CADM1: variants seen among roughly 807,000 people sequenced by gnomAD.
CADM1 encodes TSLC-1.
CADM1 carries 15 observed loss-of-function variants against 53.1 expected under a neutral mutation model. That is an observed-to-expected ratio of 0.28 (90% CI 0.19 to 0.44). The LOEUF is 0.44. Among genes scored for constraint, CADM1 ranks in the 20% least tolerant of loss-of-function variants. The pLI is 1.00. For synonymous variants in CADM1, 281 were observed against 243.0 expected (o/e 1.16, Z -1.45); for missense variants, 434 against 611.3 (o/e 0.71, Z 3.06).
At chr11:115,417,249 C>T (rs1947620046) in intron 1 of CADM1, among the ~76,000 whole-genome samples, 1 of 152,156 alleles carries the variant, frequency 6.6e-6, no homozygotes, top group Admixed American at 6.6e-5. Context: ...CAAATCAAAA[C>T]ATTTTTAATT....
chr11:115,411,544 G>T (rs1947459879), intron 1 of CADM1, among the ~76,000 whole-genome samples: 1 of 152,186 alleles, frequency 6.6e-6, no homozygotes, highest in South Asian at 2.1e-4. Context: ...AACAGCAAAA[G>T]AAGGCCTACC....
chr11:115,217,626 T>C (rs1002021436), intron 6 of CADM1, among the ~76,000 whole-genome samples: 2 of 152,158 alleles, frequency 1.3e-5, no homozygotes, highest in Non-Finnish European at 2.9e-5. Flanking sequence ...TGAGAGAAAA[T>C]AGTCCTGACA....
At chr11:115,367,523 A>G (rs1946195551) in intron 1 of CADM1, among the ~76,000 whole-genome samples, 1 of 152,214 alleles carries the variant, frequency 6.6e-6, no homozygotes, top group African/African-American at 2.4e-5. Flanking sequence ...CATATTATAG[A>G]AAATGAAACA....
intron 1 of CADM1, among the ~76,000 whole-genome samples, chr11:115,498,157 C>T (rs1395469909): frequency 6.6e-6 from 1 of 152,130 alleles, no homozygotes; most frequent in Non-Finnish European, 1.5e-5. Context: ...CCTTTTCTCT[C>T]CCCACCATCC....
intron 9 of CADM1, among the ~76,000 whole-genome samples, chr11:115,192,005 T>C (rs73570099): frequency 0.012 from 1,818 of 152,336 alleles, 41 homozygotes; most frequent in African/African-American, 0.04. Flanking sequence ...CCACAAAGTG[T>C]ATTCTCAGTG....
At chr11:115,323,097 G>A (rs1944865639) in intron 1 of CADM1, among the ~76,000 whole-genome samples, 2 of 152,064 alleles carry the variant, frequency 1.3e-5, no homozygotes, top group African/African-American at 2.4e-5. Context: ...GTCAACACCT[G>A]TTATTGTCTT....
At chr11:115,267,717 G>T (rs1943184062) in intron 1 of CADM1, among the ~76,000 whole-genome samples, 1 of 142,870 alleles carries the variant, frequency 7.0e-6, no homozygotes, top group Non-Finnish European at 1.5e-5. Context: ...GCTTTCTTCG[G>T]CAAAAGTCTC....
chr11:115,314,617 A>G (rs2135171371), intron 1 of CADM1, among the ~76,000 whole-genome samples: 1 of 152,306 alleles, frequency 6.6e-6, no homozygotes, highest in Non-Finnish European at 1.5e-5. Flanking sequence ...TTTCCAAGGT[A>G]CTATGCTGGA....
chr11:115,285,931 C>T (rs1340074948), intron 1 of CADM1, among the ~76,000 whole-genome samples: 1 of 152,028 alleles, frequency 6.6e-6, no homozygotes, highest in Non-Finnish European at 1.5e-5. Flanking sequence ...TTTTCTGAGC[C>T]TCAATATTTT....
At chr11:115,196,523 C>A (rs1940154359) in intron 9 of CADM1, among the ~76,000 whole-genome samples, 1 of 146,914 alleles carries the variant, frequency 6.8e-6, no homozygotes, top group Admixed American at 7.0e-5. Context: ...CTTTTAGCTT[C>A]CCTGGACCAC....
At chr11:115,290,810 A>T (rs924580315) in intron 1 of CADM1, among the ~76,000 whole-genome samples, 2 of 152,238 alleles carry the variant, frequency 1.3e-5, no homozygotes. Flanking sequence ...AACTTGTTTA[A>T]ATCCAAAGGC....
At chr11:115,279,791 C>T (rs1044178366) in intron 1 of CADM1, among the ~76,000 whole-genome samples, 7 of 152,064 alleles carry the variant, frequency 4.6e-5, no homozygotes, top group Admixed American at 2.0e-4. Flanking sequence ...ATATATTAAG[C>T]GCAGATCTTG....
intron 1 of CADM1, among the ~76,000 whole-genome samples, chr11:115,435,749 A>G (rs1296907614): frequency 6.6e-6 from 1 of 151,944 alleles, no homozygotes; most frequent in Non-Finnish European, 1.5e-5. Context: ...AATAAAATAA[A>G]ATAAGTTGTA....
chr11:115,327,076 A>G (rs914689062), intron 1 of CADM1, among the ~76,000 whole-genome samples: 1 of 152,142 alleles, frequency 6.6e-6, no homozygotes, highest in Non-Finnish European at 1.5e-5. Flanking sequence ...AAACATACAT[A>G]CTATTTTTAT....
intron 1 of CADM1, among the ~76,000 whole-genome samples, chr11:115,258,253 G>A (rs1001627715): frequency 1.3e-5 from 2 of 151,946 alleles, no homozygotes; most frequent in African/African-American, 4.8e-5. Flanking sequence ...TACTAGTACC[G>A]TATCAGCTCA....
intron 1 of CADM1, among the ~76,000 whole-genome samples, chr11:115,332,318 CTAAT>C (rs1319403904): frequency 6.6e-6 from 1 of 152,078 alleles, no homozygotes; most frequent in Admixed American, 6.6e-5. Flanking sequence ...AAAGAGGAGA[CTAAT>C]AGAGTTTGAA....
intron 1 of CADM1, among the ~76,000 whole-genome samples, chr11:115,412,418 C>T (rs539730244): frequency 2.0e-5 from 3 of 152,294 alleles, no homozygotes; most frequent in African/African-American, 7.2e-5. Flanking sequence ...CTAGCCTTGA[C>T]TAGCCTGGTA....
chr11:115,199,541 T>C (rs950976849), intron 8 of CADM1, among the ~76,000 whole-genome samples: 3 of 152,228 alleles, frequency 2.0e-5, no homozygotes, highest in Non-Finnish European at 2.9e-5. Flanking sequence ...GAATTTTCTC[T>C]TTATTTTTGG....
At chr11:115,347,648 G>C (rs1243261302) in intron 1 of CADM1, among the ~76,000 whole-genome samples, 1 of 152,118 alleles carries the variant, frequency 6.6e-6, no homozygotes, top group African/African-American at 2.4e-5. Flanking sequence ...TTTAACCACT[G>C]TAACAATTCT....
Sources: gnomAD v4.1 joint callset for allele counts (sites outside exome capture counted in the v4.1 genomes callset) on GRCh38, gnomAD v4.1.1 for gene constraint, MANE v1.5 for transcripts, NCBI Gene and HGNC (gene_info 2026-07-23, HGNC 2026-07-21) for gene names.